The following KCNK10 variants were observed in gnomAD, a reference collection of about 807,000 sequenced individuals.
The protein encoded by KCNK10 is potassium two pore domain channel subfamily K member 10.
In KCNK10, 25 loss-of-function variants were observed where a neutral mutation model predicts 47.7. That is an observed-to-expected ratio of 0.52 (90% CI 0.38 to 0.73). The LOEUF is 0.73. Ranked by LOEUF, KCNK10 falls within the 30% of genes least tolerant of loss-of-function variation. The pLI is 0.00. For synonymous variants in KCNK10, 303 were observed against 285.6 expected (o/e 1.06, Z -0.61); for missense variants, 563 against 714.5 (o/e 0.79, Z 2.42).
chr14:88,294,188 A>G (rs1011813655), intron 1 of KCNK10, among the ~76,000 whole-genome samples: 2 of 152,308 alleles, frequency 1.3e-5, no homozygotes, highest in African/African-American at 2.4e-5. Flanking sequence ...GATTCCCCCA[A>G]TCACCACCAT....
chr14:88,309,275 G>T (rs1179620152), intron 1 of KCNK10, among the ~76,000 whole-genome samples: 1 of 152,148 alleles, frequency 6.6e-6, no homozygotes, highest in Non-Finnish European at 1.5e-5. Flanking sequence ...GCTCTTTCTC[G>T]ATTCTTTTTC....
chr14:88,221,834 T>C (rs959720066), intron 4 of KCNK10, among the ~76,000 whole-genome samples: 1 of 152,216 alleles, frequency 6.6e-6, no homozygotes. Context: ...ATACATAAAC[T>C]ATGGTACACC....
At chr14:88,227,204 G>A (rs572271812) in intron 4 of KCNK10, among the ~76,000 whole-genome samples, 171 bp downstream of exon 4, 1 of 152,334 alleles carries the variant, frequency 6.6e-6, no homozygotes, top group Non-Finnish European at 1.5e-5. Flanking sequence ...AAAGAAGGGA[G>A]TTTAGGTGCA....
At chr14:88,239,348 C>A (rs1886385746) in intron 3 of KCNK10, among the ~76,000 whole-genome samples, 1 of 152,096 alleles carries the variant, frequency 6.6e-6, no homozygotes, top group Non-Finnish European at 1.5e-5. Context: ...TCACTGACTG[C>A]CTTATATGTA....
At position 88,291,870 on chromosome 14, in the gene KCNK10, A is replaced by G. The variant is rs555652688; in HGVS notation, c.53-28319T>C. ...ATGGTTTCTCCTGGGCCAAGTAGGCACTGGATGGGGTCAGAAGCTACATCA... is the reference window on the plus strand; with the variant it reads ...ATGGTTTCTCCTGGGCCAAGTAGGCGCTGGATGGGGTCAGAAGCTACATCA... On this transcript the variant is annotated intron_variant, in intron 1 of 6. Coordinates refer to ENST00000319231, the MANE Select transcript of KCNK10 (RefSeq NM_138317.3). 1.9e-4 allele frequency among the ~76,000 whole-genome samples: 29 copies of G among 152,316 alleles called. No homozygotes were observed. In the South Asian group the frequency reaches 6.0e-3, roughly 32 times the overall value.
chr14:88,275,040 C>T (rs931994246), intron 1 of KCNK10, among the ~76,000 whole-genome samples: 1 of 152,106 alleles, frequency 6.6e-6, no homozygotes, highest in Non-Finnish European at 1.5e-5. Context: ...CTGAAGACTC[C>T]CTCATGCCCC....
At position 88,248,348 on chromosome 14, in the gene KCNK10, G is replaced by A. The variant is rs559203479; in HGVS notation, c.403-7528C>T. Reference sequence around the variant, plus strand: ...ATGATTAATAACATCATGAAAAAGAGAGGCTTCTGCTATCTTGCTTTTATT... The same window carrying A: ...ATGATTAATAACATCATGAAAAAGAAAGGCTTCTGCTATCTTGCTTTTATT... On this transcript the variant is annotated intron_variant, in intron 2 of 6. Coordinates refer to ENST00000319231, the MANE Select transcript of KCNK10 (RefSeq NM_138317.3). Among the ~76,000 whole-genome samples, 7 of 152,260 alleles carry A rather than the reference G, an allele frequency of 4.6e-5. No homozygotes were observed. In the East Asian group the frequency reaches 9.6e-4, roughly 21 times the overall value.
intron 3 of KCNK10, among the ~76,000 whole-genome samples, chr14:88,233,496 T>C (rs1595095300): frequency 6.6e-6 from 1 of 152,314 alleles, no homozygotes; most frequent in East Asian, 1.9e-4. Context: ...ATTGTTCACC[T>C]GAGGCCTGGG....
At chr14:88,258,771 C>T (rs1419882920) in intron 2 of KCNK10, among the ~76,000 whole-genome samples, 1 of 152,184 alleles carries the variant, frequency 6.6e-6, no homozygotes, top group Non-Finnish European at 1.5e-5. Flanking sequence ...TGGCCCATTA[C>T]TCTCCTCTGG....
chr14:88,326,301 G>C (rs1888661792), upstream of KCNK10: 1 of 784,100 alleles, frequency 1.3e-6, no homozygotes. Flanking sequence ...GGACTGCATG[G>C]AGTGGGGATG....
In KCNK10 at chr14:88,263,406, C is replaced by A; in HGVS notation, c.198G>T (p.Gly66=). 2 of 1,614,128 alleles carry A rather than the reference C, an allele frequency of 1.2e-6. No individual in the cohort carries two copies. The highest frequency in any genetic ancestry group is 1.7e-6 in the Non-Finnish European group (2 of 1,180,044). ...VVARMEGTSQ[G]GLQTVMKWKT... ...TCCACTTCATGACGGTCTGCAAGCCCCCTTGGGAGGTGCCTTCCATCCTGG... is the reference window on the plus strand; with the variant it reads ...TCCACTTCATGACGGTCTGCAAGCCACCTTGGGAGGTGCCTTCCATCCTGG... Residue 66 remains glycine, a synonymous_variant, in exon 2 of 7, where the codon GGG becomes GGT. Transcript: ENST00000319231.
chr14:88,257,693 C>T (rs1228296439), intron 2 of KCNK10, among the ~76,000 whole-genome samples: 1 of 152,164 alleles, frequency 6.6e-6, no homozygotes, highest in Non-Finnish European at 1.5e-5. Flanking sequence ...TATGTGGGCA[C>T]CAAAGATTAT....
At chr14:88,204,580 C>T (rs1405198111) in intron 4 of KCNK10, among the ~76,000 whole-genome samples, 2 of 148,548 alleles carry the variant, frequency 1.3e-5, no homozygotes, top group Non-Finnish European at 3.0e-5. Flanking sequence ...CGCCATTTCC[C>T]CCAACTCCCC....
At chr14:88,323,341 C>T, upstream of KCNK10, 3 of 964,720 alleles carry the variant, frequency 3.1e-6, no homozygotes, top group Non-Finnish European at 2.5e-6. Flanking sequence ...TCCTCGCCCC[C>T]GGCGACGCCC....
intron 3 of KCNK10, among the ~76,000 whole-genome samples, chr14:88,234,666 G>A (rs113133811): frequency 0.019 from 2,875 of 152,298 alleles, 85 homozygotes; most frequent in African/African-American, 0.063. Context: ...CCAGGAGGGC[G>A]GGGGAGCCTC....
rs1025048609 is a variant in KCNK10 at position 88,192,216 on chromosome 14, G to A, written c.868+8C>T. 1.9e-6 allele frequency: 3 copies of A among 1,610,844 alleles called. No individual in the cohort carries two copies. Among genetic ancestry groups the A allele is most frequent in the Non-Finnish European group, 2.5e-6 (3 of 1,178,226 alleles). ...AGCCCCAGTGCCTGGCCTGCCCAGG[G>A]TGCTTACCTGCCACAAAATCACCAA... On this transcript the variant is annotated splice_region_variant and intron_variant, in intron 5 of 6. Coordinates refer to ENST00000319231, the MANE Select transcript of KCNK10 (RefSeq NM_138317.3).
intron 1 of KCNK10, among the ~76,000 whole-genome samples, chr14:88,270,338 A>G (rs907963888): frequency 1.6e-4 from 24 of 152,294 alleles, no homozygotes; most frequent in African/African-American, 5.3e-4. Flanking sequence ...CAGCTCTTAG[A>G]GCAGTATCTG....
At chr14:88,282,917 C>T (rs2139774083) in intron 1 of KCNK10, among the ~76,000 whole-genome samples, 1 of 152,340 alleles carries the variant, frequency 6.6e-6, no homozygotes, top group Non-Finnish European at 1.5e-5. Flanking sequence ...TTCACAGTCG[C>T]ATAGTGCACA....
At chr14:88,189,436 G>A (rs919017354) in intron 5 of KCNK10, among the ~76,000 whole-genome samples, 2 of 152,166 alleles carry the variant, frequency 1.3e-5, no homozygotes, top group Non-Finnish European at 2.9e-5. Context: ...TCTGTGCTAC[G>A]CCAGAGAAAT....
Sources: allele counts gnomAD v4.1 joint callset (sites outside exome capture counted in the v4.1 genomes callset), GRCh38; gene constraint gnomAD v4.1.1; transcripts MANE v1.5; gene names NCBI Gene and HGNC (gene_info 2026-07-23, HGNC 2026-07-21).